The following HTR1F variants were observed in gnomAD, a reference collection of about 807,000 sequenced individuals.
HTR1F encodes the protein 5-hydroxytryptamine receptor 1F.
A neutral mutation model predicts 24.0 loss-of-function variants in HTR1F; 17 were observed. The ratio of observed to expected loss-of-function variants is 0.71; its 90% CI spans 0.48 to 1.06. HTR1F has a LOEUF of 1.06. Among genes scored for constraint, HTR1F ranks in the 50% least tolerant of loss-of-function variants. HTR1F has a pLI of 0.00. For missense variants in HTR1F, 391 were observed against 427.8 expected, an observed-to-expected ratio of 0.91 and a Z score of 0.76; for synonymous variants, 186 against 156.8, an observed-to-expected ratio of 1.19 and a Z score of -1.39.
At chr3:87,853,625 A>C (rs564261988) in intron 2 of HTR1F, among the ~76,000 whole-genome samples, 1 of 151,926 alleles carries the variant, frequency 6.6e-6, no homozygotes, top group South Asian at 2.1e-4. Context: ...TTCTGTTTTT[A>C]GGTCTTTGAT....
At chr3:87,909,904 A>C (rs1703741245) in intron 2 of HTR1F, among the ~76,000 whole-genome samples, 2 of 152,010 alleles carry the variant, frequency 1.3e-5, no homozygotes, top group South Asian at 4.1e-4. Flanking sequence ...GTTTTCTTTA[A>C]GCATACTCCA....
intron 1 of HTR1F, among the ~76,000 whole-genome samples, chr3:87,817,636 C>A (rs1704274994): frequency 6.6e-6 from 1 of 152,164 alleles, no homozygotes; most frequent in Non-Finnish European, 1.5e-5. Context: ...GGCAATACTG[C>A]AAACTTAAAT....
intron 2 of HTR1F, among the ~76,000 whole-genome samples, chr3:87,893,711 G>A (rs1503431): frequency 0.058 from 8,815 of 152,224 alleles, 774 homozygotes; most frequent in African/African-American, 0.19. Context: ...GACAATAACT[G>A]GTGTTCTTTC....
intron 2 of HTR1F, among the ~76,000 whole-genome samples, chr3:87,910,053 A>G (rs1703744568): frequency 1.3e-5 from 2 of 152,000 alleles, no homozygotes; most frequent in South Asian, 4.1e-4. Flanking sequence ...AATTTTCTAT[A>G]TTAAATATTC....
intron 2 of HTR1F, among the ~76,000 whole-genome samples, chr3:87,989,740 G>A (rs766641755): frequency 2.0e-5 from 3 of 152,126 alleles, no homozygotes; most frequent in Non-Finnish European, 4.4e-5. Context: ...CACAAATGGT[G>A]TGTGCTTTTG....
chr3:87,823,127 T>G (rs764974992), intron 2 of HTR1F, among the ~76,000 whole-genome samples: 1 of 152,210 alleles, frequency 6.6e-6, no homozygotes, highest in African/African-American at 2.4e-5. Flanking sequence ...ACATATATCA[T>G]GTAAGCTACT....
chr3:87,918,342 TCAA>T (rs1195480752), intron 2 of HTR1F, among the ~76,000 whole-genome samples: 1 of 152,012 alleles, frequency 6.6e-6, no homozygotes, highest in Non-Finnish European at 1.5e-5. Context: ...CCACTCCTCT[TCAA>T]CACAGTACTG....
chr3:87,898,455 G>A (rs1706249957), intron 2 of HTR1F, among the ~76,000 whole-genome samples: 1 of 152,012 alleles, frequency 6.6e-6, no homozygotes, highest in African/African-American at 2.4e-5. Context: ...GAAGAAATTG[G>A]CATATGTCAT....
chr3:87,797,399 CTAAGCTAGCAGAAA>C (rs1437445914), intron 1 of HTR1F, among the ~76,000 whole-genome samples: 2 of 152,148 alleles, frequency 1.3e-5, no homozygotes, highest in African/African-American at 4.8e-5. Context: ...GCAAAGTCTG[CTAAGCTAGCAGAAA>C]AAGTTGCAAT....
chr3:87,937,813 A>T (rs1704462283), intron 2 of HTR1F, among the ~76,000 whole-genome samples: 1 of 151,954 alleles, frequency 6.6e-6, no homozygotes, highest in Non-Finnish European at 1.5e-5. Context: ...AGTCCCAGCT[A>T]CTCAGGAGAC....
chr3:87,934,302 A>C (rs1208848307), intron 2 of HTR1F, among the ~76,000 whole-genome samples: 1 of 152,222 alleles, frequency 6.6e-6, no homozygotes, highest in Admixed American at 6.5e-5. Context: ...AAGTTGTAGC[A>C]TACACTGTTG....
intron 2 of HTR1F, among the ~76,000 whole-genome samples, chr3:87,930,738 T>C (rs1704242696): frequency 6.6e-6 from 1 of 152,134 alleles, no homozygotes; most frequent in African/African-American, 2.4e-5. Flanking sequence ...GAGGATTAAA[T>C]GAATCAATCA....
intron 2 of HTR1F, among the ~76,000 whole-genome samples, chr3:87,850,962 G>C (rs543219462): frequency 6.6e-6 from 1 of 151,626 alleles, no homozygotes; most frequent in Admixed American, 6.6e-5. Context: ...TAATATATAA[G>C]TACTGTCTTT....
chr3:87,841,771 G>A (rs778204528), intron 2 of HTR1F, among the ~76,000 whole-genome samples: 24 of 151,038 alleles, frequency 1.6e-4, no homozygotes, highest in African/African-American at 4.9e-4. Flanking sequence ...GTGGTGGCGC[G>A]CTCCTGTAAT....
At chr3:87,987,644 ATATATATATATATAAAAATATATGTAT>A (rs2107522469) in intron 2 of HTR1F, among the ~76,000 whole-genome samples, 1 of 928 alleles carries the variant, frequency 1.1e-3, no homozygotes, top group African/African-American at 1.3e-3. Flanking sequence ...TATGTATTTT[ATATATATATATATAAAAATATATGTAT>A]TATATATATA....
intron 2 of HTR1F, among the ~76,000 whole-genome samples, chr3:87,960,396 T>A (rs114388432): frequency 0.016 from 2,372 of 152,064 alleles, 62 homozygotes; most frequent in African/African-American, 0.054. Context: ...TAGACAGTAA[T>A]TCTCAAAACT....
At chr3:87,865,164 C>T (rs1705399754) in intron 2 of HTR1F, among the ~76,000 whole-genome samples, 3 of 152,060 alleles carry the variant, frequency 2.0e-5, no homozygotes, top group Non-Finnish European at 4.4e-5. Context: ...ACTTTATTTA[C>T]TTGCTTCAAT....
intron 1 of HTR1F, among the ~76,000 whole-genome samples, chr3:87,816,025 A>G (rs1457932102): frequency 1.3e-5 from 2 of 152,116 alleles, no homozygotes; most frequent in African/African-American, 4.8e-5. Flanking sequence ...TTTCATTTGC[A>G]GAGAAGTGAA....
At chr3:87,800,871 TA>T (rs1307479278) in intron 1 of HTR1F, among the ~76,000 whole-genome samples, 1 of 152,138 alleles carries the variant, frequency 6.6e-6, no homozygotes, top group Non-Finnish European at 1.5e-5. Flanking sequence ...AAAGACAAAA[TA>T]AAACCCCAGA....
Sources: gnomAD v4.1 joint callset for allele counts (sites outside exome capture counted in the v4.1 genomes callset) on GRCh38, gnomAD v4.1.1 for gene constraint, MANE v1.5 for transcripts, NCBI Gene and HGNC (gene_info 2026-07-23, HGNC 2026-07-21) for gene names.